The following SDK1 variants were observed in gnomAD, a reference collection of about 807,000 sequenced individuals.
SDK1 encodes protein sidekick-1.
Under a neutral mutation model 245.5 loss-of-function variants are expected in SDK1, and 157 were observed. The observed-to-expected ratio is 0.64, with a 90% confidence interval of 0.56 to 0.73. The LOEUF (loss-of-function observed/expected upper bound fraction) is 0.73, where lower values mean the gene tolerates loss of function less well. Among genes scored for constraint, SDK1 ranks in the 30% least tolerant of loss-of-function variants. SDK1 has a pLI of 0.00. For synonymous variants in SDK1, 1,647 were observed against 1,278.5 expected, an observed-to-expected ratio of 1.29 and a Z score of -6.15; for missense variants, 3,583 against 3,002.3, an observed-to-expected ratio of 1.19 and a Z score of -4.52.
intron 1 of SDK1, among the ~76,000 whole-genome samples, chr7:3,571,512 C>T (rs1780116097): frequency 6.6e-6 from 1 of 151,792 alleles, no homozygotes; most frequent in African/African-American, 2.4e-5. Context: ...GCTGTGTTGC[C>T]CAAGCTGGTC....
intron 4 of SDK1, among the ~76,000 whole-genome samples, chr7:3,796,101 C>T (rs978699454): frequency 4.6e-5 from 7 of 152,092 alleles, no homozygotes; most frequent in African/African-American, 1.4e-4. Context: ...TGCTTACAGG[C>T]ATAAGTTCAG....
intron 32 of SDK1, among the ~76,000 whole-genome samples, chr7:4,172,487 G>A (rs1181410168): frequency 6.6e-6 from 1 of 152,222 alleles, no homozygotes; most frequent in African/African-American, 2.4e-5. Flanking sequence ...TGAGTAGCAA[G>A]AGTCCAAAGA....
intron 4 of SDK1, among the ~76,000 whole-genome samples, chr7:3,768,313 G>A (rs1226536367): frequency 1.3e-5 from 2 of 152,200 alleles, no homozygotes; most frequent in Non-Finnish European, 2.9e-5. Context: ...AAAGCAGAGT[G>A]TGAAGGTCCC....
At chr7:3,669,824 A>C (rs1445515341) in intron 4 of SDK1, among the ~76,000 whole-genome samples, 1 of 152,136 alleles carries the variant, frequency 6.6e-6, no homozygotes, top group Non-Finnish European at 1.5e-5. Context: ...AGTTTTTTCA[A>C]AGGTGCTTCA....
Position 4,201,211 on chromosome 7 carries a change from G to C in SDK1, c.5099-4668G>C, listed in dbSNP as rs186207293. On this transcript the variant is annotated intron_variant, in intron 35 of 44. Transcript: ENST00000404826. ...CTCCAACTCTCACTTGTCCCCACCTGAGTAGAAGCAGGGTGATCCCTTTAA... is the reference window on the plus strand; with the variant it reads ...CTCCAACTCTCACTTGTCCCCACCTCAGTAGAAGCAGGGTGATCCCTTTAA... 1.2e-3 allele frequency among the ~76,000 whole-genome samples: 189 copies of C among 152,334 alleles called. 2 individuals carry two copies. The highest frequency in any genetic ancestry group is 4.1e-3 in the African/African-American group (171 of 41,568).
At chr7:3,544,470 C>G (rs1343030620) in intron 1 of SDK1, among the ~76,000 whole-genome samples, 3 of 152,232 alleles carry the variant, frequency 2.0e-5, no homozygotes, top group Admixed American at 6.5e-5. Flanking sequence ...GGGGCGAAGT[C>G]TTTCCCAGTC....
chr7:3,505,135 CT>C (rs1196963442), intron 1 of SDK1, among the ~76,000 whole-genome samples: 1 of 152,078 alleles, frequency 6.6e-6, no homozygotes, highest in Non-Finnish European at 1.5e-5. Context: ...AGGAATGTTA[CT>C]TTTTTCATAA....
intron 40 of SDK1, among the ~76,000 whole-genome samples, chr7:4,225,056 G>A (rs1348300541): frequency 1.6e-5 from 2 of 126,340 alleles, no homozygotes; most frequent in South Asian, 2.8e-4. Flanking sequence ...GCCTGGCTAC[G>A]AAACTTCCTC....
At chr7:3,673,662 G>C (rs1023353271) in intron 4 of SDK1, among the ~76,000 whole-genome samples, 1 of 151,974 alleles carries the variant, frequency 6.6e-6, no homozygotes, top group Non-Finnish European at 1.5e-5. Context: ...AGGTAGTTTC[G>C]TCTTGCTCTG....
intron 1 of SDK1, among the ~76,000 whole-genome samples, chr7:3,505,061 C>A (rs538868094): frequency 1.3e-5 from 2 of 152,214 alleles, no homozygotes; most frequent in Non-Finnish European, 1.5e-5. Context: ...TGGTAAGCCC[C>A]CTTGACTATT....
intron 1 of SDK1, among the ~76,000 whole-genome samples, chr7:3,434,412 T>C (rs1440367827): frequency 1.3e-5 from 2 of 152,230 alleles, no homozygotes; most frequent in African/African-American, 4.8e-5. Flanking sequence ...CCTACGCCAC[T>C]GTGGTTTACC....
At chr7:3,907,890 G>A (rs1270354412) in intron 5 of SDK1, among the ~76,000 whole-genome samples, 2 of 152,206 alleles carry the variant, frequency 1.3e-5, no homozygotes, top group African/African-American at 4.8e-5. Context: ...AGTGGAACTA[G>A]AATACTTTGA....
chr7:4,001,067 GA>G (rs1223152855), intron 14 of SDK1, among the ~76,000 whole-genome samples: 1 of 152,138 alleles, frequency 6.6e-6, no homozygotes, highest in Non-Finnish European at 1.5e-5. Flanking sequence ...TCACCTTCTG[GA>G]ATCCTCTGGC....
chr7:3,766,973 C>T (rs558827242), intron 4 of SDK1, among the ~76,000 whole-genome samples: 43 of 152,262 alleles, frequency 2.8e-4, no homozygotes, highest in African/African-American at 9.9e-4. Flanking sequence ...ATTGGGTTTT[C>T]GTAGCTATTT....
At position 4,114,028 on chromosome 7, in the gene SDK1, C is replaced by T. The variant is rs1232740759; in HGVS notation, c.3586-9C>T. 1 of 1,612,190 alleles carries T rather than the reference C, an allele frequency of 6.2e-7. No individual in the cohort carries two copies. The highest frequency in any genetic ancestry group is 1.1e-5 in the South Asian group (1 of 91,008). On this transcript the variant is annotated splice_polypyrimidine_tract_variant and intron_variant, in intron 24 of 44. Transcript: ENST00000404826. The stretch of plus-strand genomic sequence containing the variant: ...TGTCAGCTCATCGCGACTCCTCGTT[C>T]CTTCCTAGCCCCTGCCGGATTCTCA...
chr7:3,305,326 C>CT (rs1394055882), intron 1 of SDK1, among the ~76,000 whole-genome samples: 1 of 152,122 alleles, frequency 6.6e-6, no homozygotes, highest in Admixed American at 6.6e-5. Flanking sequence ...GTTTGTGTTA[C>CT]TTTTTTTATT....
At chr7:3,533,081 AAG>A (rs1254496853) in intron 1 of SDK1, among the ~76,000 whole-genome samples, 3 of 152,248 alleles carry the variant, frequency 2.0e-5, no homozygotes, top group Non-Finnish European at 4.4e-5. Flanking sequence ...TTAGATCAGA[AAG>A]AAAATGATTC....
intron 1 of SDK1, among the ~76,000 whole-genome samples, chr7:3,531,970 A>G (rs1191560559): frequency 2.0e-5 from 3 of 152,246 alleles, no homozygotes; most frequent in Non-Finnish European, 4.4e-5. Flanking sequence ...TTCCAGAATA[A>G]GATGGAATTT....
intron 17 of SDK1, among the ~76,000 whole-genome samples, chr7:4,020,698 C>G (rs1395327582): frequency 6.6e-6 from 1 of 152,228 alleles, no homozygotes; most frequent in East Asian, 1.9e-4. Context: ...ATTCACACAT[C>G]TTTCTGGATA....
Sources: gnomAD v4.1 joint callset for allele counts (sites outside exome capture counted in the v4.1 genomes callset) on GRCh38, gnomAD v4.1.1 for gene constraint, MANE v1.5 for transcripts, NCBI Gene and HGNC (gene_info 2026-07-23, HGNC 2026-07-21) for gene names.